LTBP1: variants seen among roughly 807,000 people sequenced by gnomAD.
LTBP1 encodes latent-transforming growth factor beta-binding protein 1.
A neutral mutation model predicts 207.6 loss-of-function variants in LTBP1; 129 were observed. That is an observed-to-expected ratio of 0.62 (90% CI 0.54 to 0.72). The LOEUF is 0.72. LTBP1 is among the 30% of genes least tolerant of loss of function. LTBP1 has a pLI of 0.00. For synonymous variants in LTBP1, 963 were observed against 833.7 expected, an observed-to-expected ratio of 1.16 and a Z score of -2.67; for missense variants, 2,281 against 2,217.2, an observed-to-expected ratio of 1.03 and a Z score of -0.58.
At chr2:33,291,333 T>C (rs2093770769) in intron 19 of LTBP1, among the ~76,000 whole-genome samples, 1 of 152,240 alleles carries the variant, frequency 6.6e-6, no homozygotes, top group South Asian at 2.1e-4. Flanking sequence ...TACAGCCTTA[T>C]AAATCACTTT....
chr2:33,383,802 G>T (rs189046324), intron 31 of LTBP1, among the ~76,000 whole-genome samples: 3 of 152,328 alleles, frequency 2.0e-5, no homozygotes, highest in Admixed American at 6.5e-5. Context: ...CTCCCAAAGT[G>T]CTGGGATTAC....
At chr2:32,986,845 A>C (rs749297385) in intron 2 of LTBP1, among the ~76,000 whole-genome samples, 8 of 152,230 alleles carry the variant, frequency 5.3e-5, no homozygotes, top group Non-Finnish European at 8.8e-5. Flanking sequence ...AGAGTAAGGC[A>C]AAATTCTGAA....
At chr2:33,213,636 G>A (rs570733047) in intron 7 of LTBP1, among the ~76,000 whole-genome samples, 2 of 152,252 alleles carry the variant, frequency 1.3e-5, no homozygotes, top group African/African-American at 4.8e-5. Context: ...TGGTCTCTTG[G>A]GTGAGAGCCC....
At chr2:33,072,995 G>A (rs1481058385) in intron 3 of LTBP1, among the ~76,000 whole-genome samples, 1 of 152,222 alleles carries the variant, frequency 6.6e-6, no homozygotes, top group Non-Finnish European at 1.5e-5. Flanking sequence ...CCTGGGGGGA[G>A]TAGTCAGTAG....
intron 23 of LTBP1, among the ~76,000 whole-genome samples, chr2:33,310,088 C>G (rs904937634): frequency 1.3e-5 from 2 of 151,920 alleles, no homozygotes; most frequent in Non-Finnish European, 2.9e-5. Context: ...GCTGGGATTA[C>G]AGGCGCCTGC....
chr2:33,362,653 A>G (rs1230927457), intron 28 of LTBP1, among the ~76,000 whole-genome samples: 1 of 152,200 alleles, frequency 6.6e-6, no homozygotes, highest in Non-Finnish European at 1.5e-5. Flanking sequence ...ACTTTAAGCA[A>G]GTCATCTATG....
rs972022649 is a variant in LTBP1, at chr2:33,376,133, T to C, written c.4711+10630T>C. Among the ~76,000 whole-genome samples, 59 of 152,242 alleles carry C rather than the reference T, an allele frequency of 3.9e-4. 1 individual carries two copies. The highest frequency in any genetic ancestry group is 2.4e-5 in the African/African-American group (1 of 41,462). On this transcript the variant is annotated intron_variant, in intron 31 of 33. Transcript: ENST00000404816. ...CTCATAAATATTTAATTAGCTCTTA[T>C]AAGTCTAATAAACCAAACTTAAAAC...
At chr2:33,055,609 G>T (rs2076957792) in intron 3 of LTBP1, among the ~76,000 whole-genome samples, 1 of 152,148 alleles carries the variant, frequency 6.6e-6, no homozygotes, top group African/African-American at 2.4e-5. Context: ...AGCTAAAGCC[G>T]CATTCTTTTC....
chr2:32,949,639 C>T (rs186204796), intron 2 of LTBP1, among the ~76,000 whole-genome samples: 33 of 152,300 alleles, frequency 2.2e-4, no homozygotes, highest in Admixed American at 1.7e-3. Flanking sequence ...TTCTTCTTGA[C>T]GAATTGATGC....
intron 31 of LTBP1, among the ~76,000 whole-genome samples, chr2:33,368,557 A>G (rs1035577214): frequency 6.6e-6 from 1 of 152,254 alleles, no homozygotes; most frequent in African/African-American, 2.4e-5. Context: ...TAAAAATACC[A>G]GGCTAAGTGT....
chr2:33,390,490 C>A (rs1316627958), intron 32 of LTBP1, among the ~76,000 whole-genome samples: 1 of 149,564 alleles, frequency 6.7e-6, no homozygotes, highest in Non-Finnish European at 1.5e-5. Context: ...AGCTTCACCA[C>A]AAATTTTTTT....
Position 32,947,597 on chromosome 2 carries a change from C to A in LTBP1, c.273C>A (p.Gly91=). 1.5e-6 allele frequency: 2 copies of A among 1,308,422 alleles called. No individual in the cohort carries two copies. The highest frequency in any genetic ancestry group is 2.2e-5 in the South Asian group (1 of 45,904). 81.1% of individuals were successfully genotyped at this position (1,308,422 alleles called of 1,614,324 possible). A position where few individuals can be genotyped will look rare whatever the true frequency, so the allele number is the denominator to read the frequency against. Residue 91 remains glycine (G), a synonymous_variant, in exon 1 of 34, where the codon GGC becomes GGA. Transcript: ENST00000404816. ...GGACCCGGCGCACGAGCAAGCCGGG[C>A]GGCGCGGCCCTGCAGGGGCTCAGAC... ...SERTRRTSKP[G]GAALQGLRPP... is the part of the protein sequence containing the mutation.
chr2:33,283,341 A>G (rs2093599103), intron 19 of LTBP1, among the ~76,000 whole-genome samples: 4 of 148,684 alleles, frequency 2.7e-5, no homozygotes. Flanking sequence ...CTGTGATTAT[A>G]TCCTTTTAGT....
intron 7 of LTBP1, 32 bp downstream of exon 7, chr2:33,188,883 T>C (rs1430557532): frequency 6.3e-7 from 1 of 1,597,324 alleles, no homozygotes; most frequent in Non-Finnish European, 8.6e-7. Context: ...GCTTTAGCAG[T>C]GTCTTACAGA....
intron 7 of LTBP1, among the ~76,000 whole-genome samples, chr2:33,201,808 A>G (rs941538549): frequency 9.2e-5 from 14 of 152,198 alleles, no homozygotes; most frequent in African/African-American, 3.1e-4. Context: ...TATTGGTCAT[A>G]TAAATAATAA....
At chr2:33,316,362 A>G (rs1054982616) in intron 24 of LTBP1, among the ~76,000 whole-genome samples, 4 of 152,234 alleles carry the variant, frequency 2.6e-5, no homozygotes, top group African/African-American at 9.6e-5. Flanking sequence ...AAAATAGTGC[A>G]ACAGGAAGTA....
Position 33,342,858 on chromosome 2 carries a change from A to T in LTBP1, c.3751A>T (p.Asn1251Tyr), listed in dbSNP as rs1403486604. 6.2e-7 allele frequency: 1 copy of T among 1,614,136 alleles called. No homozygotes were observed. The change falls in exon 25 of 34, where the codon AAC becomes TAC. Residue 1251 changes from asparagine to tyrosine, a missense_variant. This residue lies in a region of LTBP1 where 1,671 missense variants were observed against 1,634.8 expected (regional missense o/e 1.02). Coordinates refer to ENST00000404816, the MANE Select transcript of LTBP1 (RefSeq NM_206943.4). ...TGCAGATATTGATGAATGTGTAAAC[A>T]ACACTGTTTGTGACAGTCACGGGTT... is the stretch of plus-strand genomic sequence containing the variant. ...TCEDIDECVN[N>Y]TVCDSHGFCD...
chr2:33,144,028 C>G (rs1572840633), intron 5 of LTBP1, among the ~76,000 whole-genome samples: 1 of 151,930 alleles, frequency 6.6e-6, no homozygotes, highest in Non-Finnish European at 1.5e-5. Context: ...CTTGGATTGA[C>G]TGGAAGACCT....
chr2:32,995,138 C>G (rs1028283511), intron 2 of LTBP1, among the ~76,000 whole-genome samples: 1 of 151,728 alleles, frequency 6.6e-6, no homozygotes, highest in Non-Finnish European at 1.5e-5. Flanking sequence ...GAGCTATGAT[C>G]ACACCATTGC....
Sources: gnomAD v4.1 joint callset for allele counts (sites outside exome capture counted in the v4.1 genomes callset) on GRCh38, gnomAD v4.1.1 for gene constraint, gnomAD v4.1.1 regional missense constraint, MANE v1.5 for transcripts, NCBI Gene and HGNC (gene_info 2026-07-23, HGNC 2026-07-21) for gene names.